SHBG: variants seen among roughly 807,000 people sequenced by gnomAD.
SHBG encodes the protein sex hormone binding globulin.
In SHBG, 37 loss-of-function variants were observed where a neutral mutation model predicts 41.9. The observed-to-expected ratio is 0.88, with a 90% CI of 0.68 to 1.16. The LOEUF is 1.16. SHBG is among the 50% of genes most tolerant of loss of function. The pLI is 0.00. For missense variants in SHBG, 466 were observed against 499.9 expected, an observed-to-expected ratio of 0.93 and a Z score of 0.65; for synonymous variants, 217 against 205.8, an observed-to-expected ratio of 1.05 and a Z score of -0.47.
At chr17:7,617,901 T>C (rs962842699) in intron 1 of SHBG, among the ~76,000 whole-genome samples, 1 of 152,104 alleles carries the variant, frequency 6.6e-6, no homozygotes, top group Non-Finnish European at 1.5e-5. Flanking sequence ...CTGGGCAACA[T>C]GGCGAAACCC....
At chr17:7,620,313 G>GTTGT (rs1157426393) in intron 1 of SHBG, among the ~76,000 whole-genome samples, 3 of 151,864 alleles carry the variant, frequency 2.0e-5, no homozygotes, top group Admixed American at 6.6e-5. Context: ...TAAAAAATTT[G>GTTGT]TTGTTTGTTT....
chr17:7,619,631 G>A (rs1339295280), intron 1 of SHBG, among the ~76,000 whole-genome samples: 5 of 150,692 alleles, frequency 3.3e-5, no homozygotes, highest in African/African-American at 7.3e-5. Flanking sequence ...GCTTGAACCC[G>A]GGAGGCAGAG....
At chr17:7,629,935 C>T (rs982315094), upstream of SHBG, among the ~76,000 whole-genome samples, 7 of 152,074 alleles carry the variant, frequency 4.6e-5, no homozygotes, top group African/African-American at 1.7e-4. Context: ...GAAACTTTCT[C>T]GGCAGTGGAG....
At chr17:7,622,822 GA>G (rs1486144706) in intron 1 of SHBG, among the ~76,000 whole-genome samples, 1 of 143,634 alleles carries the variant, frequency 7.0e-6, no homozygotes, top group Non-Finnish European at 1.5e-5. Context: ...TAGGTCAGGA[GA>G]TCGAGACCAT....
upstream of SHBG, chr17:7,627,453 G>T (rs2072250357): frequency 6.2e-7 from 1 of 1,612,094 alleles, no homozygotes; most frequent in Non-Finnish European, 8.5e-7. This position sits in a 1 kb window ranked among gnomAD's most constrained non-coding sequence, Gnocchi z 4.8. Context: ...GAGCAGAAGG[G>T]CCCCGCTGCT....
chr17:7,631,609 C>G lies in SHBG; in HGVS notation c.576C>G (p.Gly192=), dbSNP rs1298339587. ...TCCAGCTGGTTCCTGCCCTGGATGGCTGCCTGCGCCGGGATTCCTGGCTGG... is the reference window on the plus strand; with the variant it reads ...TCCAGCTGGTTCCTGCCCTGGATGGGTGCCTGCGCCGGGATTCCTGGCTGG... ...LRLPLVPALD[G]CLRRDSWLDK... Residue 192 remains glycine (G), a synonymous_variant, in exon 5 of 8, where the codon GGC becomes GGG. Transcript: ENST00000380450. The G allele has an allele frequency of 6.2e-7, 1 of 1,614,132 alleles. No individual in the cohort carries two copies. Among genetic ancestry groups the G allele is most frequent in the South Asian group, 1.1e-5 (1 of 91,088 alleles).
At chr17:7,626,050 C>T (rs540136865), upstream of SHBG, among the ~76,000 whole-genome samples, 4 of 151,612 alleles carry the variant, frequency 2.6e-5, no homozygotes, top group East Asian at 1.9e-4. Context: ...AAAAATTAGC[C>T]GGGCATGGTG....
upstream of SHBG, chr17:7,627,887 G>A (rs2072272917): frequency 1.6e-6 from 1 of 625,866 alleles, no homozygotes; most frequent in Non-Finnish European, 3.0e-6. This position sits in a 1 kb window ranked among gnomAD's most constrained non-coding sequence, Gnocchi z 4.8. Context: ...GTCGCAGCAG[G>A]GGGCACAACT....
chr17:7,614,871 C>A (rs1412053378), intron 1 of SHBG: 1 of 157,722 alleles, frequency 6.3e-6, no homozygotes, highest in Non-Finnish European at 1.4e-5. Flanking sequence ...ACAGCCTCCA[C>A]CTCCCCCTGC....
chr17:7,631,297 G>A lies in SHBG; in HGVS notation c.491G>A (p.Arg164His), dbSNP rs757387252. Residue 164 changes from arginine to histidine, a missense_variant, in exon 4 of 8, where the codon CGC becomes CAC. Coordinates refer to ENST00000380450, the MANE Select transcript of SHBG (RefSeq NM_001040.5). ...RQVSGPLTSK[R>H]HPIMRIALGG... ...GTCTCTGGGCCCCTGACCAGCAAAC[G>A]CCATCCCATCATGAGGATTGCGCTT... 31 of 1,613,744 alleles carry A rather than the reference G, an allele frequency of 1.9e-5. No individual in the cohort carries two copies. The highest frequency in any genetic ancestry group is 1.1e-4 in the African/African-American group (8 of 74,916).
At position 7,630,515 on chromosome 17, in the gene SHBG, G is replaced by C; in HGVS notation, c.203+8G>C. 1 of 1,612,800 alleles carries C rather than the reference G, an allele frequency of 6.2e-7. No homozygotes were observed. Among genetic ancestry groups the C allele is most frequent in the South Asian group, 1.1e-5 (1 of 91,042 alleles). ...CCTCACCAAGATCACAAAGTATGGG[G>C]TTGGCCTAGCCCTTGACCCAGTCCC... On this transcript the variant is annotated splice_region_variant and intron_variant, in intron 2 of 7. Coordinates refer to ENST00000380450, the MANE Select transcript of SHBG (RefSeq NM_001040.5). The surrounding 1 kb of genome is among the most constrained non-coding windows in gnomAD (Gnocchi z 4.6).
intron 1 of SHBG, among the ~76,000 whole-genome samples, chr17:7,619,920 T>C (rs2072060381): frequency 6.6e-6 from 1 of 151,324 alleles, no homozygotes; most frequent in African/African-American, 2.4e-5. Flanking sequence ...CATGCCCCAC[T>C]TCAGCCTCAA....
upstream of SHBG, among the ~76,000 whole-genome samples, chr17:7,629,261 C>T (rs992021493): frequency 2.0e-5 from 3 of 151,472 alleles, no homozygotes; most frequent in Non-Finnish European, 4.4e-5. Flanking sequence ...ACCTGTAGTC[C>T]CAACTACTAA....
intron 1 of SHBG, among the ~76,000 whole-genome samples, chr17:7,620,135 A>AT (rs398030266): frequency 5.3e-5 from 8 of 151,670 alleles, no homozygotes; most frequent in Non-Finnish European, 1.2e-4. Flanking sequence ...AAAAAAAAAA[A>AT]TTGAAAAAAT....
intron 1 of SHBG, among the ~76,000 whole-genome samples, chr17:7,618,825 C>G (rs1441583267): frequency 1.3e-5 from 2 of 152,248 alleles, no homozygotes; most frequent in Admixed American, 1.3e-4. Context: ...AATTGCGCAG[C>G]CTCAAGATCG....
upstream of SHBG, chr17:7,627,245 T>C: frequency 6.2e-7 from 1 of 1,613,906 alleles, no homozygotes; most frequent in Non-Finnish European, 8.5e-7. This position sits in a 1 kb window ranked among gnomAD's most constrained non-coding sequence, Gnocchi z 4.8. Flanking sequence ...ATTGGAGTTG[T>C]GACAAAGAGA....
chr17:7,614,413 G>A, intron 1 of SHBG: 2 of 1,429,998 alleles, frequency 1.4e-6, no homozygotes, highest in Non-Finnish European at 1.9e-6. Context: ...CAGGGGAGGG[G>A]GCTAAGGACC....
At chr17:7,622,747 G>C (rs2072120595) in intron 1 of SHBG, among the ~76,000 whole-genome samples, 1 of 151,862 alleles carries the variant, frequency 6.6e-6, no homozygotes, top group Non-Finnish European at 1.5e-5. Flanking sequence ...TGTAAACCCT[G>C]GGCTGGGCAC....
Position 7,631,633 on chromosome 17 carries a change from G to A in SHBG, c.600G>A (p.Leu200=). The A allele has an allele frequency of 1.2e-6, 2 of 1,614,104 alleles. No homozygotes were observed. Among genetic ancestry groups the A allele is most frequent in the South Asian group, 1.1e-5 (1 of 91,086 alleles). Residue 200 remains leucine (L), a synonymous_variant, in exon 5 of 8, where the codon CTG becomes CTA. Coordinates refer to ENST00000380450, the MANE Select transcript of SHBG (RefSeq NM_001040.5). ...GCTGCCTGCGCCGGGATTCCTGGCTGGACAAACAGGCCGAGATCTCAGCAT... is the reference window on the plus strand; with the variant it reads ...GCTGCCTGCGCCGGGATTCCTGGCTAGACAAACAGGCCGAGATCTCAGCAT... ...LDGCLRRDSW[L]DKQAEISASA... is the part of the protein sequence containing the mutation.
Sources: gnomAD v4.1 joint callset for allele counts (sites outside exome capture counted in the v4.1 genomes callset) on GRCh38, gnomAD v4.1.1 for gene constraint, Gnocchi (gnomAD v3.1) non-coding constraint, MANE v1.5 for transcripts, NCBI Gene and HGNC (gene_info 2026-07-23, HGNC 2026-07-21) for gene names.